The following AFF2 variants were observed in gnomAD, a reference collection of about 807,000 sequenced individuals.
AFF2 encodes the protein AF4/FMR2 family member 2.
A neutral mutation model predicts 76.9 loss-of-function variants in AFF2; 14 were observed. The observed-to-expected ratio is 0.18, with a 90% CI of 0.12 to 0.28. The LOEUF (loss-of-function observed/expected upper bound fraction) is 0.28, where lower values mean the gene tolerates loss of function less well. Ranked by LOEUF, AFF2 falls within the 10% of genes least tolerant of loss-of-function variation. AFF2 has a pLI of 1.00. For synonymous variants in AFF2, 398 were observed against 366.7 expected, an observed-to-expected ratio of 1.09 and a Z score of -0.98; for missense variants, 868 against 1,001.1, an observed-to-expected ratio of 0.87 and a Z score of 1.79.
chrX:148,554,467 G>C (rs2053029474), intron 1 of AFF2, among the ~76,000 whole-genome samples: 1 of 112,032 alleles, frequency 8.9e-6, no homozygotes, highest in African/African-American at 3.2e-5. Flanking sequence ...GAGGGAGACA[G>C]GGCTGGAGGT....
intron 13 of AFF2, 45 bp downstream of exon 13, chrX:148,962,982 G>A: frequency 1.1e-6 from 1 of 929,583 alleles, no homozygotes; most frequent in Non-Finnish European, 1.6e-6. Context: ...GTAGAAACAA[G>A]TTAACCAGCT....
At chrX:148,911,222 A>G (rs2071465369) in intron 9 of AFF2, among the ~76,000 whole-genome samples, 1 of 110,948 alleles carries the variant, frequency 9.0e-6, no homozygotes, top group Non-Finnish European at 1.9e-5. Flanking sequence ...ATAAAGGACA[A>G]GAAGACACAT....
intron 3 of AFF2, among the ~76,000 whole-genome samples, chrX:148,792,101 C>G (rs1445044085): frequency 1.8e-5 from 2 of 111,116 alleles, no homozygotes; most frequent in African/African-American, 6.6e-5. Flanking sequence ...GGTTTTGTTT[C>G]TTGGCTTTAT....
At chrX:148,601,572 G>C (rs782668122) in intron 1 of AFF2, among the ~76,000 whole-genome samples, 4 of 110,874 alleles carry the variant, frequency 3.6e-5, no homozygotes, top group African/African-American at 1.3e-4. Flanking sequence ...CCCTCACTTG[G>C]CATTCAGTAT....
chrX:148,966,933 T>C lies in AFF2; in HGVS notation c.3057T>C (p.Thr1019=). Residue 1019 remains threonine (T), a synonymous_variant, in exon 14 of 21, where the codon ACT becomes ACC. Coordinates refer to ENST00000370460, the MANE Select transcript of AFF2 (RefSeq NM_002025.4). ...TATATATTTT[T]TTTISTITST... ...CCGCCACGGCCACCACCACAACTAC[T>C]ACCACTACCATTTCCACCATCACCT... 1.7e-6 allele frequency: 2 copies of C among 1,211,377 alleles called. No homozygotes were observed. The highest frequency in any genetic ancestry group is 2.2e-6 in the Non-Finnish European group (2 of 895,449).
intron 8 of AFF2, among the ~76,000 whole-genome samples, chrX:148,888,819 G>A (rs1468284333): frequency 9.0e-6 from 1 of 111,227 alleles, no homozygotes. Context: ...AAAGAATTGC[G>A]GAGTCATTCC....
intron 1 of AFF2, among the ~76,000 whole-genome samples, chrX:148,614,796 T>TTC (rs782345022): frequency 0.12 from 8,911 of 75,732 alleles, 694 homozygotes; most frequent in African/African-American, 0.18. Context: ...CTTTCTTCCT[T>TTC]TCTCTCTCTC....
chrX:148,973,699 T>A, intron 16 of AFF2, 92 bp downstream of exon 16: 1 of 970,315 alleles, frequency 1.0e-6, no homozygotes. Flanking sequence ...CACTTATTAA[T>A]AATTTGTCCA....
chrX:148,757,264 A>C (rs1399041176), intron 3 of AFF2, among the ~76,000 whole-genome samples: 1 of 112,093 alleles, frequency 8.9e-6, no homozygotes, highest in Non-Finnish European at 1.9e-5. Context: ...GTAGAGTTGA[A>C]TAGTTGTGAC....
intron 7 of AFF2, among the ~76,000 whole-genome samples, chrX:148,851,725 T>A (rs1050825646): frequency 8.0e-5 from 9 of 112,269 alleles, no homozygotes; most frequent in African/African-American, 2.9e-4. Flanking sequence ...TGTAACTACA[T>A]AGAATATTTC....
chrX:148,686,498 A>G (rs1557260361), intron 3 of AFF2, among the ~76,000 whole-genome samples: 1 of 111,775 alleles, frequency 8.9e-6, no homozygotes, highest in Admixed American at 9.5e-5. Context: ...TGAGCAGGAC[A>G]GTTTTGAAAG....
intron 15 of AFF2, among the ~76,000 whole-genome samples, chrX:148,967,961 G>T (rs1180778178): frequency 1.8e-5 from 2 of 111,478 alleles, no homozygotes; most frequent in Non-Finnish European, 3.8e-5. Flanking sequence ...ATATACCACT[G>T]TCATTACCTT....
chrX:148,739,766 G>A (rs782642198), intron 3 of AFF2, among the ~76,000 whole-genome samples: 1 of 111,423 alleles, frequency 9.0e-6, no homozygotes, highest in South Asian at 3.8e-4. Context: ...GCTTTAAAGA[G>A]GTGCTGTTTT....
intron 4 of AFF2, 25 bp downstream of exon 4, chrX:148,809,945 G>A (rs782605670): frequency 1.7e-6 from 2 of 1,195,335 alleles, no homozygotes; most frequent in Non-Finnish European, 1.1e-6. Flanking sequence ...TTATTTTTGT[G>A]CCTTTTAATA....
At chrX:148,638,072 C>T (rs2054050393) in intron 1 of AFF2, among the ~76,000 whole-genome samples, 2 of 110,593 alleles carry the variant, frequency 1.8e-5, no homozygotes. Flanking sequence ...GTATGTCCTG[C>T]CATATCCTTG....
At chrX:148,922,918 T>C (rs782468678) in intron 9 of AFF2, among the ~76,000 whole-genome samples, 1 of 112,282 alleles carries the variant, frequency 8.9e-6, no homozygotes, top group Non-Finnish European at 1.9e-5. Flanking sequence ...TCATTATTCA[T>C]TGCAATGTTT....
intron 3 of AFF2, among the ~76,000 whole-genome samples, chrX:148,754,863 C>T (rs1300865728): frequency 9.0e-6 from 1 of 111,692 alleles, no homozygotes; most frequent in African/African-American, 3.3e-5. Context: ...CCTCCGGAAG[C>T]TCATAATCTA....
At chrX:148,801,880 A>G (rs1557270967) in intron 3 of AFF2, among the ~76,000 whole-genome samples, 2 of 111,358 alleles carry the variant, frequency 1.8e-5, no homozygotes, top group African/African-American at 6.5e-5. Context: ...TCTCTCCTCA[A>G]TACACAATCA....
intron 3 of AFF2, among the ~76,000 whole-genome samples, chrX:148,712,260 C>T (rs782698604): frequency 9.0e-6 from 1 of 111,461 alleles, no homozygotes; most frequent in East Asian, 2.8e-4. Context: ...ACCAAGAATT[C>T]TTGTGCCTTG....
Sources: gnomAD v4.1 joint callset for allele counts (sites outside exome capture counted in the v4.1 genomes callset) on GRCh38, gnomAD v4.1.1 for gene constraint, MANE v1.5 for transcripts, NCBI Gene and HGNC (gene_info 2026-07-23, HGNC 2026-07-21) for gene names.